The following SYNE1 variants were observed in gnomAD, a reference collection of about 807,000 sequenced individuals.
The protein encoded by SYNE1 is nesprin-1.
In SYNE1, 616 loss-of-function variants were observed where a neutral mutation model predicts 1,111.0. The observed-to-expected ratio is 0.55, with a 90% CI of 0.52 to 0.59. The LOEUF is 0.59. SYNE1 is among the 20% of genes least tolerant of loss of function. The probability of loss-of-function intolerance (pLI) is 0.00; values close to 1 mark genes in which losing one functional copy is unlikely to be tolerated. For missense variants in SYNE1, 10,006 were observed against 10,417.0 expected, an observed-to-expected ratio of 0.96 and a Z score of 1.72; for synonymous variants, 3,855 against 3,825.8, an observed-to-expected ratio of 1.01 and a Z score of -0.28.
rs2082740275 is a variant in SYNE1 at position 152,231,513 on chromosome 6, AC to A, written c.20916del (p.Gln6972HisfsTer28). On this transcript the variant is annotated frameshift_variant, in exon 114 of 146. Coordinates refer to ENST00000367255, the MANE Select transcript of SYNE1 (RefSeq NM_182961.4). LOFTEE classifies it high-confidence loss of function. Reference protein sequence around the residue: ...CKQLTVDFVNQSVLQISSQDV... With the variant: ...CKQLTVDFVNXSVLQISSQDV... ...TCCTGACTGCTGATTTGTAGCACGG[AC>A]TGGTTCACAAAATCCACTGTCAGCT... 6.2e-7 allele frequency: 1 copy of A among 1,614,072 alleles called. No individual in the cohort carries two copies. The highest frequency in any genetic ancestry group is 1.3e-5 in the African/African-American group (1 of 74,916).
At chr6:152,413,698 G>C (rs1420877214) in intron 41 of SYNE1, among the ~76,000 whole-genome samples, 167 bp from the exon 42 acceptor site, 2 of 152,112 alleles carry the variant, frequency 1.3e-5, no homozygotes, top group Non-Finnish European at 2.9e-5. Context: ...TACTTTTAAA[G>C]TTAATTTTGC....
At chr6:152,586,203 T>C (rs1232349974) in intron 3 of SYNE1, among the ~76,000 whole-genome samples, 1 of 152,206 alleles carries the variant, frequency 6.6e-6, no homozygotes, top group Non-Finnish European at 1.5e-5. Flanking sequence ...AATGTTTATT[T>C]TTCTGAATTA....
chr6:152,144,715 T>G (rs1001883110), intron 137 of SYNE1: 3 of 152,486 alleles, frequency 2.0e-5, no homozygotes, highest in Non-Finnish European at 4.4e-5. Flanking sequence ...CTTCAAAAAC[T>G]GAAGCGTAAA....
intron 3 of SYNE1, among the ~76,000 whole-genome samples, chr6:152,615,428 A>AAT (rs2099643159): frequency 6.6e-6 from 1 of 150,974 alleles, no homozygotes; most frequent in African/African-American, 2.4e-5. Context: ...TCTTGAAACT[A>AAT]TTTTTTTTTA....
chr6:152,381,900 AT>A (rs2097424711), intron 55 of SYNE1, among the ~76,000 whole-genome samples: 2 of 152,182 alleles, frequency 1.3e-5, no homozygotes, highest in Non-Finnish European at 2.9e-5. Flanking sequence ...CTAAGTAAAC[AT>A]TTTTGTAGCA....
Position 152,149,638 on chromosome 6 carries a change from T to C in SYNE1, c.24481A>G (p.Asn8161Asp), listed in dbSNP as rs36215251. The change falls in exon 136 of 146, where the codon AAT (asparagine) becomes GAT (aspartate). Residue 8161 changes from asparagine to aspartate, a missense_variant. Coordinates refer to ENST00000367255, the MANE Select transcript of SYNE1 (RefSeq NM_182961.4). Reference sequence around the variant, plus strand: ...TGGGCAATTATCTGCTCAATCTTATTGTGGTTCAGTGAAATTTCCTGCTGG... The same window carrying C: ...TGGGCAATTATCTGCTCAATCTTATCGTGGTTCAGTGAAATTTCCTGCTGG... ...AFQQEISLNHNKIEQIIAQGE... is the reference protein window; with the variant it reads ...AFQQEISLNHDKIEQIIAQGE... The C allele has an allele frequency of 2.2e-5, 35 of 1,614,020 alleles. No homozygotes were observed. The highest frequency in any genetic ancestry group is 1.2e-4 in the Admixed American group (7 of 59,992).
chr6:152,606,442 G>C (rs1189407319), intron 3 of SYNE1, among the ~76,000 whole-genome samples: 2 of 152,184 alleles, frequency 1.3e-5, no homozygotes, highest in African/African-American at 4.8e-5. Flanking sequence ...CCAGGACATA[G>C]CTGTCAGTTG....
At chr6:152,532,306 C>T (rs2099207037) in intron 4 of SYNE1, among the ~76,000 whole-genome samples, 1 of 152,048 alleles carries the variant, frequency 6.6e-6, no homozygotes. Context: ...CATCTAGGAC[C>T]TCATTTGCCA....
chr6:152,277,875 G>A, intron 98 of SYNE1: 1 of 628,578 alleles, frequency 1.6e-6, no homozygotes, highest in Non-Finnish European at 2.9e-6. Flanking sequence ...CCGCTGAACA[G>A]CTGTTGTTAG....
intron 3 of SYNE1, among the ~76,000 whole-genome samples, chr6:152,606,825 T>A (rs1447496757): frequency 4.7e-5 from 7 of 149,650 alleles, no homozygotes; most frequent in African/African-American, 1.2e-4. Flanking sequence ...ATTTTTTTTT[T>A]ATATATTTTT....
At chr6:152,618,345 A>G (rs2099666896) in intron 3 of SYNE1, among the ~76,000 whole-genome samples, 1 of 152,238 alleles carries the variant, frequency 6.6e-6, no homozygotes, top group Non-Finnish European at 1.5e-5. Flanking sequence ...ACTTATAACA[A>G]CAACAACATA....
chr6:152,328,698 C>T (rs2096158773), intron 78 of SYNE1, among the ~76,000 whole-genome samples: 1 of 152,158 alleles, frequency 6.6e-6, no homozygotes, highest in Admixed American at 6.5e-5. Context: ...AGGCGTGAGC[C>T]ACCGCGCCCA....
intron 138 of SYNE1, among the ~76,000 whole-genome samples, chr6:152,143,138 C>T (rs1030626576): frequency 6.6e-6 from 1 of 152,152 alleles, no homozygotes; most frequent in Non-Finnish European, 1.5e-5. Flanking sequence ...CCAAATCCCT[C>T]TTGCTAGAAC....
rs938907345 is a variant in SYNE1, at chr6:152,182,363, A to G, written c.23302-2069T>C. Among the ~76,000 whole-genome samples the G allele has an allele frequency of 6.6e-5, 10 of 152,206 alleles. No individual in the cohort carries two copies. The East Asian group carries it at 1.3e-3, about 21-fold the overall frequency. ...CACAGTCTTGTTCATAATGCTAGCT[A>G]TTCCACTATTCATTCCACTGCATTA... On this transcript the variant is annotated intron_variant, in intron 128 of 145. Coordinates refer to ENST00000367255, the MANE Select transcript of SYNE1 (RefSeq NM_182961.4).
rs564148157 is a variant in SYNE1, at chr6:152,570,728, C to A, written c.68-30707G>T. Among the ~76,000 whole-genome samples, 15 of 152,234 alleles carry A rather than the reference C, an allele frequency of 9.9e-5. No individual in the cohort carries two copies. In the East Asian group the frequency reaches 2.9e-3, roughly 29 times the overall value. On this transcript the variant is annotated intron_variant, in intron 3 of 145. Transcript: ENST00000367255. ...TCAGAGGCAATCAAAACAATGGTAT[C>A]CCCTTCCTTCTACAAATTAATAAAG...
chr6:152,234,255 ATTAAGTATATCCACTGATGGT>A (rs1344277986), intron 111 of SYNE1, among the ~76,000 whole-genome samples: 2 of 152,014 alleles, frequency 1.3e-5, no homozygotes, highest in Non-Finnish European at 2.9e-5. Flanking sequence ...AGCTTAGTTT[ATTAAGTATATCCACTGATGGT>A]TGACTTCCTT....
At chr6:152,208,425 T>A (rs1399592348) in intron 124 of SYNE1, among the ~76,000 whole-genome samples, 1 of 152,188 alleles carries the variant, frequency 6.6e-6, no homozygotes, top group African/African-American at 2.4e-5. Flanking sequence ...AGTGTTTTCA[T>A]GTCTCAGCAT....
At chr6:152,224,414 G>T in intron 117 of SYNE1, 80 bp downstream of exon 117, 2 of 1,226,396 alleles carry the variant, frequency 1.6e-6, no homozygotes, top group Non-Finnish European at 2.4e-6. Flanking sequence ...CAATATTTCA[G>T]GATGATGTCT....
intron 2 of SYNE1, among the ~76,000 whole-genome samples, chr6:152,630,162 T>A (rs760722615): frequency 5.9e-5 from 9 of 151,912 alleles, no homozygotes; most frequent in Non-Finnish European, 1.3e-4. Context: ...CCTTTGCACA[T>A]TGCTGCTGCC....
Sources: gnomAD v4.1 joint callset for allele counts (sites outside exome capture counted in the v4.1 genomes callset) on GRCh38, gnomAD v4.1.1 for gene constraint, MANE v1.5 for transcripts, NCBI Gene and HGNC (gene_info 2026-07-23, HGNC 2026-07-21) for gene names.